ULK4: variants seen among roughly 807,000 people sequenced by gnomAD.
ULK4 encodes inactive serine/threonine-protein kinase ULK4.
In ULK4, 133 loss-of-function variants were observed where a neutral mutation model predicts 160.6. That is an observed-to-expected ratio of 0.83 (90% confidence interval 0.72 to 0.96). ULK4 has a LOEUF of 0.96. Ranked by LOEUF, ULK4 falls within the 40% of genes least tolerant of loss-of-function variation. The pLI is 0.00. For missense variants in ULK4, 1,580 were observed against 1,499.5 expected (o/e 1.05, Z -0.89); for synonymous variants, 534 against 539.8 (o/e 0.99, Z 0.15).
chr3:41,504,547 AT>A (rs2085315669), intron 32 of ULK4, among the ~76,000 whole-genome samples: 1 of 152,190 alleles, frequency 6.6e-6, no homozygotes, highest in Non-Finnish European at 1.5e-5. Context: ...TACTGATTAA[AT>A]GTGACAAGCT....
At chr3:41,796,518 G>C (rs545230605) in intron 20 of ULK4, among the ~76,000 whole-genome samples, 6 of 152,254 alleles carry the variant, frequency 3.9e-5, no homozygotes, top group African/African-American at 7.2e-5. Flanking sequence ...CTTGAACCCA[G>C]GAGGCAGAGG....
chr3:41,789,760 G>A lies in ULK4; in HGVS notation c.2094C>T (p.Ser698=), dbSNP rs369468199. The A allele has an allele frequency of 4.8e-5, 78 of 1,613,858 alleles. 1 individual carries two copies. In the South Asian group the frequency reaches 8.0e-4, roughly 17 times the overall value. Reference sequence around the variant, plus strand: ...GAACTTTGCAGATGGCAGAGGCCAGGGAGTTTATTACTGAGTTCAGTCCCA... The same window carrying A: ...GAACTTTGCAGATGGCAGAGGCCAGAGAGTTTATTACTGAGTTCAGTCCCA... ...EKVGLNSVIN[S]LASAICKVQQ... Residue 698 remains serine, a synonymous_variant, in exon 21 of 37, where the codon TCC becomes TCT. Transcript: ENST00000301831.
chr3:41,402,420 C>T (rs1191820608), intron 34 of ULK4, among the ~76,000 whole-genome samples: 1 of 152,146 alleles, frequency 6.6e-6, no homozygotes, highest in Non-Finnish European at 1.5e-5. Context: ...TGAGTAGACA[C>T]TCTTGCCTTG....
At chr3:41,770,091 A>G (rs1054749357) in intron 21 of ULK4, among the ~76,000 whole-genome samples, 4 of 152,234 alleles carry the variant, frequency 2.6e-5, no homozygotes, top group African/African-American at 9.6e-5. Flanking sequence ...GAGAACACAC[A>G]TTTATTAATA....
chr3:41,452,692 T>C (rs2083448894), intron 34 of ULK4, among the ~76,000 whole-genome samples: 1 of 152,162 alleles, frequency 6.6e-6, no homozygotes, highest in South Asian at 2.1e-4. Flanking sequence ...ATTTATGTGT[T>C]TGTCATAAAT....
rs1174482186 is a variant in ULK4, at chr3:41,446,261, T to C, written c.3492+9236A>G. ...AAGAGGATGTGGAGAAATAGGAACATTTTTACACTGTTGGTGGGAATGTAA... is the reference window on the plus strand; with the variant it reads ...AAGAGGATGTGGAGAAATAGGAACACTTTTACACTGTTGGTGGGAATGTAA... On this transcript the variant is annotated intron_variant, in intron 34 of 36. Coordinates refer to ENST00000301831, the MANE Select transcript of ULK4 (RefSeq NM_017886.4). 1.2e-4 allele frequency among the ~76,000 whole-genome samples: 19 copies of C among 152,190 alleles called. No individual in the cohort carries two copies. In the East Asian group the frequency reaches 3.5e-3, roughly 28 times the overall value.
At chr3:41,925,173 G>A (rs1221512367) in intron 5 of ULK4, among the ~76,000 whole-genome samples, 4 of 152,198 alleles carry the variant, frequency 2.6e-5, no homozygotes, top group Admixed American at 2.6e-4. Flanking sequence ...GAAGAAGGCA[G>A]GTGACTTACG....
At chr3:41,516,447 T>C (rs1439270158) in intron 32 of ULK4, among the ~76,000 whole-genome samples, 1 of 152,104 alleles carries the variant, frequency 6.6e-6, no homozygotes, top group Non-Finnish European at 1.5e-5. Flanking sequence ...AAAACATATC[T>C]GATAAAGGAC....
At chr3:41,296,624 T>G (rs1441000484) in intron 35 of ULK4, among the ~76,000 whole-genome samples, 2 of 152,154 alleles carry the variant, frequency 1.3e-5, no homozygotes, top group East Asian at 1.9e-4. Context: ...ACATTTAAGA[T>G]AAGGCCTAAA....
chr3:41,940,349 G>C (rs1430387743), intron 2 of ULK4, among the ~76,000 whole-genome samples: 1 of 152,146 alleles, frequency 6.6e-6, no homozygotes, highest in African/African-American at 2.4e-5. Flanking sequence ...TGCAGCACCT[G>C]ATTAAAGCCT....
At chr3:41,370,930 C>G (rs1280829686) in intron 35 of ULK4, among the ~76,000 whole-genome samples, 4 of 152,224 alleles carry the variant, frequency 2.6e-5, no homozygotes, top group Non-Finnish European at 5.9e-5. Context: ...CAATCTGAAG[C>G]TGATCCTGGA....
At chr3:41,517,210 C>T (rs2085779611) in intron 32 of ULK4, among the ~76,000 whole-genome samples, 1 of 111,130 alleles carries the variant, frequency 9.0e-6, no homozygotes, top group Admixed American at 1.1e-4. Context: ...ATCCAACACA[C>T]TGATAATATC....
At chr3:41,592,305 C>CG (rs2031392203) in intron 31 of ULK4, among the ~76,000 whole-genome samples, 1 of 152,128 alleles carries the variant, frequency 6.6e-6, no homozygotes, top group Admixed American at 6.5e-5. Flanking sequence ...GAGGAAGCAG[C>CG]GGGAAAAGCC....
At chr3:41,677,903 G>A (rs2035784470) in intron 29 of ULK4, among the ~76,000 whole-genome samples, 1 of 152,096 alleles carries the variant, frequency 6.6e-6, no homozygotes. Context: ...CCTAACATGG[G>A]TGAATCTCAT....
chr3:41,444,638 C>T (rs1159850476), intron 34 of ULK4, among the ~76,000 whole-genome samples: 3 of 151,938 alleles, frequency 2.0e-5, no homozygotes, highest in African/African-American at 7.3e-5. Flanking sequence ...AAAACTTAAC[C>T]ATTAATTATG....
At chr3:41,516,483 T>C (rs986519328) in intron 32 of ULK4, among the ~76,000 whole-genome samples, 3 of 151,388 alleles carry the variant, frequency 2.0e-5, no homozygotes, top group Middle Eastern at 6.8e-3. Flanking sequence ...TACTCCACAA[T>C]GGAGTACTAT....
chr3:41,852,221 G>A (rs888814446), intron 17 of ULK4, among the ~76,000 whole-genome samples: 1 of 152,022 alleles, frequency 6.6e-6, no homozygotes, highest in East Asian at 1.9e-4. Context: ...CCAATAACAG[G>A]CTCTGAAATT....
intron 22 of ULK4, among the ~76,000 whole-genome samples, chr3:41,729,913 A>G (rs2037768970): frequency 6.6e-6 from 1 of 152,200 alleles, no homozygotes; most frequent in South Asian, 2.1e-4. Flanking sequence ...AACACAACCA[A>G]TGTCATAGGA....
chr3:41,961,381 T>C (rs150439097), intron 1 of ULK4, among the ~76,000 whole-genome samples: 1 of 152,164 alleles, frequency 6.6e-6, no homozygotes, highest in South Asian at 2.1e-4. Context: ...TCTGTGTTAC[T>C]ACACGCCCTG....
Sources: gnomAD v4.1 joint callset for allele counts (sites outside exome capture counted in the v4.1 genomes callset) on GRCh38, gnomAD v4.1.1 for gene constraint, MANE v1.5 for transcripts, NCBI Gene and HGNC (gene_info 2026-07-23, HGNC 2026-07-21) for gene names.